The following MAP3K4 variants were observed in gnomAD, a reference collection of about 807,000 sequenced individuals.
MAP3K4 encodes the protein mitogen-activated protein kinase kinase kinase 4.
Under a neutral mutation model 185.6 loss-of-function variants are expected in MAP3K4, and 67 were observed. The observed-to-expected ratio is 0.36, with a 90% CI of 0.30 to 0.44. MAP3K4 has a LOEUF of 0.44. MAP3K4 is among the 20% of genes least tolerant of loss of function. The probability of loss-of-function intolerance (pLI) is 1.00; values close to 1 mark genes in which losing one functional copy is unlikely to be tolerated. For synonymous variants in MAP3K4, 702 were observed against 710.4 expected (o/e 0.99, Z 0.19); for missense variants, 1,551 against 1,995.1 (o/e 0.78, Z 4.24).
Position 160,991,976 on chromosome 6 carries a change from C to G in MAP3K4, c.45C>G (p.Ala15=). 6.5e-7 allele frequency: 1 copy of G among 1,547,214 alleles called. No homozygotes were observed. The highest frequency in any genetic ancestry group is 8.7e-7 in the Non-Finnish European group (1 of 1,153,786). The change falls in exon 1 of 27, where the codon GCC becomes GCG. Residue 15 remains alanine, a synonymous_variant. Transcript: ENST00000392142. This position sits in a 1 kb window ranked among gnomAD's most constrained non-coding sequence, Gnocchi z 5.7. ...CGCTGGTCCCTCCTCCCGCCTTTGC[C>G]GTCACGCCTGCCGCCGCCATGGAGG... ...AAALVPPPAF[A]VTPAAAMEEP... is the part of the protein sequence containing the mutation.
intron 1 of MAP3K4, among the ~76,000 whole-genome samples, chr6:161,030,186 T>C (rs1782859363): frequency 6.6e-6 from 1 of 152,142 alleles, no homozygotes; most frequent in Non-Finnish European, 1.5e-5. Context: ...AACTGCTTGA[T>C]ACTGTCACAC....
chr6:161,113,594 T>C (rs923687466), intron 25 of MAP3K4, among the ~76,000 whole-genome samples: 4 of 152,034 alleles, frequency 2.6e-5, no homozygotes, highest in African/African-American at 9.7e-5. Flanking sequence ...GAACTACACA[T>C]AGTAGAGGAA....
rs557332271 is a variant in MAP3K4, at chr6:161,074,700, A to C, written c.2097+1088A>C. The stretch of plus-strand genomic sequence containing the variant: ...GGGTATATGCATAGATGATTACGTA[A>C]TGTGACAGGTTAATGAAATAATAAA... On this transcript the variant is annotated intron_variant, in intron 5 of 26. Coordinates refer to ENST00000392142, the MANE Select transcript of MAP3K4 (RefSeq NM_005922.4). This position sits in a 1 kb window ranked among gnomAD's most constrained non-coding sequence, Gnocchi z 5.0. Among the ~76,000 whole-genome samples the C allele has an allele frequency of 2.0e-5, 3 of 152,234 alleles. No homozygotes were observed. Among genetic ancestry groups the C allele is most frequent in the Non-Finnish European group, 4.4e-5 (3 of 68,046 alleles).
chr6:161,007,682 T>TG lies in MAP3K4; in HGVS notation c.152+15600dup, dbSNP rs1319362693. ...AGGTTTTTCTCCTTTTTAAAAAAATTGCTTTGGTTCATATTTGGTGCTTCT... is the reference window on the plus strand; with the variant it reads ...AGGTTTTTCTCCTTTTTAAAAAAATTGGCTTTGGTTCATATTTGGTGCTTCT... On this transcript the variant is annotated intron_variant, in intron 1 of 26. Coordinates refer to ENST00000392142, the MANE Select transcript of MAP3K4 (RefSeq NM_005922.4). This position sits in a 1 kb window ranked among gnomAD's most constrained non-coding sequence, Gnocchi z 4.5. Among the ~76,000 whole-genome samples the TG allele has an allele frequency of 1.3e-5, 2 of 152,244 alleles. No individual in the cohort carries two copies. The highest frequency in any genetic ancestry group is 2.9e-5 in the Non-Finnish European group (2 of 68,044).
At position 161,084,447 on chromosome 6, in the gene MAP3K4, C is replaced by T; in HGVS notation, c.2256-54C>T. On this transcript the variant is annotated intron_variant, in intron 6 of 26. Transcript: ENST00000392142. The surrounding 1 kb of genome is among the most constrained non-coding windows in gnomAD (Gnocchi z 4.6). ...TCAAGTTTCTCAGTCAAGAATTAGG[C>T]TATGAGTAGGGACAGTTTTCTTCTC... 1.2e-6 allele frequency: 1 copy of T among 856,758 alleles called. No homozygotes were observed. Among genetic ancestry groups the T allele is most frequent in the Admixed American group, 1.7e-5 (1 of 58,132 alleles). The allele number at this position is 856,758 out of a possible 1,614,324, so 53.1% of individuals were successfully genotyped here. A position where few individuals can be genotyped will look rare whatever the true frequency, so the allele number is the denominator to read the frequency against.
chr6:161,012,618 G>T (rs1781900902), intron 1 of MAP3K4, among the ~76,000 whole-genome samples: 1 of 152,156 alleles, frequency 6.6e-6, no homozygotes, highest in Non-Finnish European at 1.5e-5. Flanking sequence ...AGGGAGGTGA[G>T]CCTTTAAGAG....
chr6:161,073,373 T>C lies in MAP3K4; in HGVS notation c.1951-93T>C, dbSNP rs921175201. On this transcript the variant is annotated intron_variant, in intron 4 of 26. Transcript: ENST00000392142. This position sits in a 1 kb window ranked among gnomAD's most constrained non-coding sequence, Gnocchi z 4.2. Reference sequence around the variant, plus strand: ...GGTTTTTTAGAGGCAAGGTTCCCTCTGAGTTTTTTGAAGATTTAAGTAGGA... The same window carrying C: ...GGTTTTTTAGAGGCAAGGTTCCCTCCGAGTTTTTTGAAGATTTAAGTAGGA... The C allele has an allele frequency of 1.5e-6, 2 of 1,297,862 alleles. No homozygotes were observed. The highest frequency in any genetic ancestry group is 6.0e-5 in the Admixed American group (2 of 33,294). The allele number at this position is 1,297,862 out of a possible 1,614,324, so 80.4% of individuals were successfully genotyped here.
Position 161,034,414 on chromosome 6 carries a change from A to T in MAP3K4, c.308A>T (p.Asn103Ile). ...ATGTCAACCAAACATCAGAGGAATA[A>T]TGTGGGGAGGCCAGCCAGTCGGTCT... ...KRMSTKHQRN[N>I]VGRPASRSNL... The change falls in exon 2 of 27, where the codon AAT (asparagine) becomes ATT (isoleucine). Residue 103 changes from asparagine to isoleucine, a missense_variant. This residue lies in a region of MAP3K4 where 287 missense variants were observed against 268.8 expected (regional missense o/e 1.07). Transcript: ENST00000392142. This position sits in a 1 kb window ranked among gnomAD's most constrained non-coding sequence, Gnocchi z 4.4. 6.2e-7 allele frequency: 1 copy of T among 1,613,896 alleles called. No individual in the cohort carries two copies. The highest frequency in any genetic ancestry group is 8.5e-7 in the Non-Finnish European group (1 of 1,179,860).
rs941310778 is a variant in MAP3K4 at position 161,114,640 on chromosome 6, A to T, written c.4627-483A>T. 2.6e-5 allele frequency among the ~76,000 whole-genome samples: 4 copies of T among 152,370 alleles called. No homozygotes were observed. In the South Asian group the frequency reaches 8.3e-4, roughly 32 times the overall value. ...TACACACTTAGTTCCTTCCCCTGTGAATCTCATTTTTCATAGGATCATAAT... is the reference window on the plus strand; with the variant it reads ...TACACACTTAGTTCCTTCCCCTGTGTATCTCATTTTTCATAGGATCATAAT... On this transcript the variant is annotated intron_variant, in intron 25 of 26. Transcript: ENST00000392142. This position sits in a 1 kb window ranked among gnomAD's most constrained non-coding sequence, Gnocchi z 4.3.
Position 161,097,152 on chromosome 6 carries a change from T to A in MAP3K4, c.3500T>A (p.Ile1167Asn), listed in dbSNP as rs763260623. ...CHSDPPNPHL[I>N]IPTPEGFSTR... Reference sequence around the variant, plus strand: ...AGTGACCCTCCTAACCCACACCTCATTATCCCCACTCCAGAGGGATTCAGG... The same window carrying A: ...AGTGACCCTCCTAACCCACACCTCAATATCCCCACTCCAGAGGGATTCAGG... Residue 1167 changes from isoleucine (I) to asparagine (N), a missense_variant, in exon 16 of 27, where the codon ATT becomes AAT. Transcript: ENST00000392142. This position sits in a 1 kb window ranked among gnomAD's most constrained non-coding sequence, Gnocchi z 4.9. The A allele has an allele frequency of 7.4e-6, 12 of 1,614,046 alleles. No individual in the cohort carries two copies. In the South Asian group the frequency reaches 1.2e-4, roughly 16 times the overall value.
chr6:161,097,159 C>T lies in MAP3K4; in HGVS notation c.3507C>T (p.Pro1169=). Reference sequence around the variant, plus strand: ...CTCCTAACCCACACCTCATTATCCCCACTCCAGAGGGATTCAGGTATTTGG... The same window carrying T: ...CTCCTAACCCACACCTCATTATCCCTACTCCAGAGGGATTCAGGTATTTGG... ...SDPPNPHLII[P]TPEGFSTRSM... is the part of the protein sequence containing the mutation. The change falls in exon 16 of 27, where the codon CCC becomes CCT. Residue 1169 remains proline, a synonymous_variant. Transcript: ENST00000392142. This position sits in a 1 kb window ranked among gnomAD's most constrained non-coding sequence, Gnocchi z 4.9. 3 of 1,614,042 alleles carry T rather than the reference C, an allele frequency of 1.9e-6. No individual in the cohort carries two copies. The highest frequency in any genetic ancestry group is 2.2e-5 in the South Asian group (2 of 91,074).
At chr6:161,059,186 A>G (rs1249251688) in intron 3 of MAP3K4, among the ~76,000 whole-genome samples, 1 of 151,524 alleles carries the variant, frequency 6.6e-6, no homozygotes, top group Non-Finnish European at 1.5e-5. Flanking sequence ...CCCAGGCTGG[A>G]GTACAGTGGC....
chr6:161,047,913 A>G (rs751061621), intron 2 of MAP3K4, among the ~76,000 whole-genome samples: 1 of 152,172 alleles, frequency 6.6e-6, no homozygotes, highest in African/African-American at 2.4e-5. Context: ...ATTGTAAATG[A>G]TTTTACATGG....
chr6:161,026,671 T>C (rs1782679114), intron 1 of MAP3K4, among the ~76,000 whole-genome samples: 1 of 151,902 alleles, frequency 6.6e-6, no homozygotes, highest in South Asian at 2.1e-4. Context: ...GAAATAATTA[T>C]GTTTGTCTTT....
In MAP3K4 at chr6:161,098,346, C is replaced by A; in HGVS notation, c.3593C>A (p.Ala1198Asp). The A allele has an allele frequency of 1.9e-6, 3 of 1,611,676 alleles. No homozygotes were observed. The highest frequency in any genetic ancestry group is 2.5e-6 in the Non-Finnish European group (3 of 1,179,072). The part of the protein sequence containing the change: ...SPAAAAAAAA[A>D]AVAASRPSPS... ...GCTGCTGCTGCTGCTGCTGCTGCTG[C>A]TGCTGTTGCTGCCAGTCGGCCCAGC... Residue 1198 changes from alanine to aspartate, a missense_variant, in exon 17 of 27, where the codon GCT (alanine) becomes GAT (aspartate). By Grantham distance (126) the Ala-to-Asp change is moderately radical. Around this residue, in one of 16 missense-constraint regions of MAP3K4, gnomAD observed 272 missense variants for 301.2 expected, o/e 0.90. Coordinates refer to ENST00000392142, the MANE Select transcript of MAP3K4 (RefSeq NM_005922.4). This position sits in a 1 kb window ranked among gnomAD's most constrained non-coding sequence, Gnocchi z 4.4.
At chr6:161,105,943 C>T (rs866711618) in intron 19 of MAP3K4, among the ~76,000 whole-genome samples, 1 of 151,596 alleles carries the variant, frequency 6.6e-6, no homozygotes, top group Admixed American at 6.6e-5. Flanking sequence ...ACAAGGGATC[C>T]TCCCACCTCA....
intron 1 of MAP3K4, among the ~76,000 whole-genome samples, chr6:161,027,550 A>G (rs1782732801): frequency 6.6e-6 from 1 of 152,226 alleles, no homozygotes; most frequent in South Asian, 2.1e-4. Context: ...GTTCTATTTT[A>G]GAGAAATAGA....
rs914332747 is a variant in MAP3K4 at position 161,103,450 on chromosome 6, G to A, written c.3856+671G>A. Among the ~76,000 whole-genome samples, 1 of 152,214 alleles carries A rather than the reference G, an allele frequency of 6.6e-6. No homozygotes were observed. The highest frequency in any genetic ancestry group is 1.5e-5 in the Non-Finnish European group (1 of 68,042). On this transcript the variant is annotated intron_variant, in intron 19 of 26. Coordinates refer to ENST00000392142, the MANE Select transcript of MAP3K4 (RefSeq NM_005922.4). This position sits in a 1 kb window ranked among gnomAD's most constrained non-coding sequence, Gnocchi z 4.6. ...TGTCTGGAAGGATTTTGTGGAGGGA[G>A]GAGACTGGGCTGGCCCTTTGAAGGG...
At chr6:161,024,952 A>C (rs543242698) in intron 1 of MAP3K4, among the ~76,000 whole-genome samples, 1 of 152,230 alleles carries the variant, frequency 6.6e-6, no homozygotes, top group Non-Finnish European at 1.5e-5. Flanking sequence ...CCTGTCTGTC[A>C]GACTGTCTGC....
Sources: allele counts gnomAD v4.1 joint callset (sites outside exome capture counted in the v4.1 genomes callset), GRCh38; gene constraint gnomAD v4.1.1; regional missense constraint gnomAD v4.1.1; non-coding constraint Gnocchi (gnomAD v3.1); transcripts MANE v1.5; gene names NCBI Gene and HGNC (gene_info 2026-07-23, HGNC 2026-07-21).